EYS: variants seen among roughly 807,000 people sequenced by gnomAD.
The protein encoded by EYS is EGF-like photoreceptor maintenance factor, also known as protein eyes shut homolog.
Under a neutral mutation model 282.1 loss-of-function variants are expected in EYS, and 250 were observed. The observed-to-expected ratio is 0.89, with a 90% CI of 0.80 to 0.98. EYS has a LOEUF of 0.98. EYS is among the 50% of genes least tolerant of loss of function. EYS has a pLI of 0.00. For missense variants in EYS, 4,016 were observed against 3,709.0 expected (o/e 1.08, Z -2.15); for synonymous variants, 1,355 against 1,282.9 (o/e 1.06, Z -1.20).
chr6:64,102,195 A>T lies in EYS; in HGVS notation c.6425-20193T>A, dbSNP rs535833331. Among the ~76,000 whole-genome samples, 47 of 152,304 alleles carry T rather than the reference A, an allele frequency of 3.1e-4. No homozygotes were observed. The East Asian group carries it at 8.5e-3, about 28-fold the overall frequency. On this transcript the variant is annotated intron_variant, in intron 31 of 42. Transcript: ENST00000503581. Reference sequence around the variant, plus strand: ...AATGTGTAGCATAATATTCTTCTTTATGTTTTTGAAATAATGACTTTTAAA... The same window carrying T: ...AATGTGTAGCATAATATTCTTCTTTTTGTTTTTGAAATAATGACTTTTAAA...
At chr6:65,257,388 G>A (rs2150255581) in intron 12 of EYS, among the ~76,000 whole-genome samples, 1 of 115,012 alleles carries the variant, frequency 8.7e-6, no homozygotes, top group Admixed American at 8.2e-5. Context: ...TTCTTCTAGG[G>A]TTTTTATGGT....
At chr6:64,631,447 G>C (rs1277008921) in intron 22 of EYS, 1 of 152,158 alleles carries the variant, frequency 6.6e-6, no homozygotes, top group Non-Finnish European at 1.5e-5. Context: ...TATTACCCAA[G>C]ACCTTCCTGA....
At chr6:63,799,309 C>T (rs1770727422) in intron 37 of EYS, among the ~76,000 whole-genome samples, 1 of 151,702 alleles carries the variant, frequency 6.6e-6, no homozygotes, top group Non-Finnish European at 1.5e-5. Context: ...CCACCGTGCC[C>T]GGCTCCTAAA....
At chr6:65,700,915 G>T (rs2149852322) in intron 1 of EYS, among the ~76,000 whole-genome samples, 2 of 152,268 alleles carry the variant, frequency 1.3e-5, no homozygotes, top group South Asian at 4.1e-4. Flanking sequence ...TACTCATCCA[G>T]CCTTGTTTGG....
chr6:65,438,172 C>T (rs1417077933), intron 5 of EYS, among the ~76,000 whole-genome samples: 2 of 152,058 alleles, frequency 1.3e-5, no homozygotes, highest in Non-Finnish European at 2.9e-5. Flanking sequence ...CATGTCCCTA[C>T]AAAGGACATG....
At chr6:65,445,866 A>G (rs1422282970) in intron 5 of EYS, among the ~76,000 whole-genome samples, 1 of 151,752 alleles carries the variant, frequency 6.6e-6, no homozygotes, top group East Asian at 1.9e-4. Context: ...TTCCTAAACT[A>G]TTTGTTTCCA....
At chr6:65,205,269 C>A (rs1766007715) in intron 12 of EYS, among the ~76,000 whole-genome samples, 1 of 151,084 alleles carries the variant, frequency 6.6e-6, no homozygotes, top group African/African-American at 2.4e-5. Context: ...TTATATTAAA[C>A]AGACTTCAAA....
chr6:64,555,861 A>G (rs1765217772), intron 26 of EYS, among the ~76,000 whole-genome samples: 1 of 151,926 alleles, frequency 6.6e-6, no homozygotes, highest in South Asian at 2.1e-4. Flanking sequence ...TGTACACACC[A>G]CAAGGATAGC....
intron 16 of EYS, among the ~76,000 whole-genome samples, chr6:64,908,175 G>T (rs990222312): frequency 2.0e-5 from 3 of 152,128 alleles, no homozygotes; most frequent in African/African-American, 7.2e-5. Flanking sequence ...CATCTACTTG[G>T]TCTATTATGC....
chr6:63,934,035 AT>A (rs1196562891), intron 35 of EYS, among the ~76,000 whole-genome samples: 2 of 152,186 alleles, frequency 1.3e-5, no homozygotes, highest in Non-Finnish European at 2.9e-5. Context: ...AGAATCTACA[AT>A]GAACTCAAAC....
intron 31 of EYS, among the ~76,000 whole-genome samples, chr6:64,163,375 A>G (rs1312688338): frequency 6.6e-6 from 1 of 152,074 alleles, no homozygotes; most frequent in Admixed American, 6.5e-5. Context: ...TTTAATTCCA[A>G]AAGTGTTCAG....
intron 14 of EYS, among the ~76,000 whole-genome samples, chr6:64,991,018 A>G (rs1354862213): frequency 2.6e-5 from 4 of 151,610 alleles, no homozygotes; most frequent in Middle Eastern, 3.4e-3. Context: ...AAAACTGACA[A>G]TTGAGGGGGA....
intron 19 of EYS, among the ~76,000 whole-genome samples, chr6:64,847,157 C>T (rs1765740910): frequency 6.6e-6 from 1 of 152,066 alleles, no homozygotes; most frequent in South Asian, 2.1e-4. Flanking sequence ...ATGCCACTGG[C>T]TGTTCTGGTC....
intron 2 of EYS, among the ~76,000 whole-genome samples, chr6:65,525,148 C>T (rs991606119): frequency 6.0e-5 from 9 of 150,778 alleles, no homozygotes; most frequent in Non-Finnish European, 1.3e-4. Context: ...ATGGTGGTTT[C>T]TAAACCCATT....
chr6:64,332,475 A>G (rs1018491999), intron 29 of EYS, among the ~76,000 whole-genome samples: 12 of 152,262 alleles, frequency 7.9e-5, no homozygotes, highest in African/African-American at 2.6e-4. Context: ...TAGGGCCTTT[A>G]TCGGATGGTC....
intron 35 of EYS, among the ~76,000 whole-genome samples, chr6:63,941,990 C>T (rs1405082402): frequency 6.6e-6 from 1 of 152,046 alleles, no homozygotes; most frequent in African/African-American, 2.4e-5. Flanking sequence ...CGTTAGCCAC[C>T]CAGAGTACAA....
At chr6:64,135,878 T>C (rs1582322085) in intron 31 of EYS, among the ~76,000 whole-genome samples, 2 of 152,088 alleles carry the variant, frequency 1.3e-5, no homozygotes, top group Admixed American at 1.3e-4. Flanking sequence ...AGTGTGGTAG[T>C]TTCTGAAGAT....
At chr6:64,666,877 T>C (rs1360179761) in intron 22 of EYS, among the ~76,000 whole-genome samples, 1 of 152,218 alleles carries the variant, frequency 6.6e-6, no homozygotes, top group African/African-American at 2.4e-5. Context: ...ATCAGTCGAC[T>C]CCTTTGAGAG....
chr6:65,091,735 C>A (rs911201157), intron 12 of EYS, among the ~76,000 whole-genome samples: 25 of 152,030 alleles, frequency 1.6e-4, no homozygotes, highest in Non-Finnish European at 2.5e-4. Flanking sequence ...CAGTACAGCA[C>A]GACACAGCGG....
Sources: gnomAD v4.1 joint callset for allele counts (sites outside exome capture counted in the v4.1 genomes callset) on GRCh38, gnomAD v4.1.1 for gene constraint, MANE v1.5 for transcripts, NCBI Gene and HGNC (gene_info 2026-07-23, HGNC 2026-07-21) for gene names.